Variants in XKR6 observed in about 807,000 individuals in gnomAD.
The protein encoded by XKR6 is XK-related protein 6.
A neutral mutation model predicts 56.7 loss-of-function variants in XKR6; 22 were observed. That is an observed-to-expected ratio of 0.39 (90% CI 0.28 to 0.55). The LOEUF (loss-of-function observed/expected upper bound fraction) is 0.55, where lower values mean the gene tolerates loss of function less well. Ranked by LOEUF, XKR6 falls within the 20% of genes least tolerant of loss-of-function variation. XKR6 has a pLI of 0.66. For missense variants in XKR6, 852 were observed against 889.0 expected (o/e 0.96, Z 0.53); for synonymous variants, 524 against 387.8 (o/e 1.35, Z -4.13).
At chr8:11,048,115 C>G (rs1483831664) in intron 1 of XKR6, among the ~76,000 whole-genome samples, 1 of 152,146 alleles carries the variant, frequency 6.6e-6, no homozygotes, top group Non-Finnish European at 1.5e-5. Flanking sequence ...ACCCCCCACG[C>G]TCAGTCACTG....
intron 1 of XKR6, among the ~76,000 whole-genome samples, chr8:11,094,052 G>C (rs1472959062): frequency 3.4e-5 from 5 of 148,012 alleles, no homozygotes; most frequent in African/African-American, 1.3e-4. Context: ...CCAAAGTGCT[G>C]GGATTACAGG....
At chr8:11,023,757 C>A (rs562254435) in intron 1 of XKR6, among the ~76,000 whole-genome samples, 31 of 152,300 alleles carry the variant, frequency 2.0e-4, no homozygotes, top group African/African-American at 7.2e-4. Context: ...TGAAGGCCTC[C>A]TGCGGATCAT....
chr8:10,956,615 C>T (rs931837993), intron 1 of XKR6, among the ~76,000 whole-genome samples: 3 of 152,196 alleles, frequency 2.0e-5, no homozygotes, highest in African/African-American at 7.2e-5. Flanking sequence ...CAGGAGTCTA[C>T]AGCCCTCATG....
At chr8:11,023,317 C>G (rs2129149227) in intron 1 of XKR6, among the ~76,000 whole-genome samples, 1 of 152,316 alleles carries the variant, frequency 6.6e-6, no homozygotes, top group East Asian at 1.9e-4. Flanking sequence ...CTCACAGGCC[C>G]CCGAAGTCAT....
intron 1 of XKR6, among the ~76,000 whole-genome samples, chr8:10,966,633 C>A (rs1455785439): frequency 3.3e-5 from 5 of 152,078 alleles, no homozygotes; most frequent in Non-Finnish European, 7.4e-5. Context: ...GAGATCGCAC[C>A]ACTACACTCC....
chr8:10,911,130 G>A (rs1168433674), intron 2 of XKR6, among the ~76,000 whole-genome samples: 1 of 151,714 alleles, frequency 6.6e-6, no homozygotes, highest in Admixed American at 6.6e-5. Flanking sequence ...CCAAGCCTCA[G>A]TTTACTGTTT....
Position 10,981,267 on chromosome 8 carries a change from G to A in XKR6, c.765-56437C>T, listed in dbSNP as rs78045401. Among the ~76,000 whole-genome samples, 55 of 152,324 alleles carry A rather than the reference G, an allele frequency of 3.6e-4. No homozygotes were observed. The East Asian group carries it at 0.011, about 29-fold the overall frequency. ...CGAGGGGGTAAATAGATTTTCGAGA[G>A]TGAAGTTATGAATTGCTCCCATGGC... On this transcript the variant is annotated intron_variant, in intron 1 of 2. Coordinates refer to ENST00000416569, the MANE Select transcript of XKR6 (RefSeq NM_173683.4).
At chr8:10,963,885 T>C (rs10094007) in intron 1 of XKR6, among the ~76,000 whole-genome samples, 1 of 152,168 alleles carries the variant, frequency 6.6e-6, no homozygotes, top group Non-Finnish European at 1.5e-5. Flanking sequence ...GAACACTGCA[T>C]GAACTGGGGT....
rs369060551 is a variant in XKR6, at chr8:10,983,812, T to C, written c.765-58982A>G. Among the ~76,000 whole-genome samples the C allele has an allele frequency of 1.5e-4, 23 of 152,070 alleles. No homozygotes were observed. In the East Asian group the frequency reaches 3.5e-3, roughly 23 times the overall value. ...CTGGGACTACAGGTGCCCGCCACCA[T>C]GCCCGGCTAATTTTTTGTATTTTTC... On this transcript the variant is annotated intron_variant, in intron 1 of 2. Coordinates refer to ENST00000416569, the MANE Select transcript of XKR6 (RefSeq NM_173683.4).
At chr8:11,148,835 C>T (rs568155177) in intron 1 of XKR6, among the ~76,000 whole-genome samples, 118 of 152,114 alleles carry the variant, frequency 7.8e-4, no homozygotes, top group Non-Finnish European at 1.4e-3. Flanking sequence ...ATACTTCTGA[C>T]CAATAAAAAG....
intron 1 of XKR6, among the ~76,000 whole-genome samples, chr8:11,127,157 ACTT>A (rs1441093112): frequency 6.6e-6 from 1 of 152,136 alleles, no homozygotes; most frequent in Non-Finnish European, 1.5e-5. Context: ...CGGCAATCCC[ACTT>A]CTTAACGAGA....
chr8:11,000,903 T>A (rs1798223536), intron 1 of XKR6, among the ~76,000 whole-genome samples: 4 of 152,170 alleles, frequency 2.6e-5, no homozygotes, highest in Non-Finnish European at 5.9e-5. Context: ...AGAGAGTATA[T>A]CCCTCCAGCC....
chr8:10,924,362 A>T (rs558061243), intron 2 of XKR6, among the ~76,000 whole-genome samples: 1 of 152,378 alleles, frequency 6.6e-6, no homozygotes, highest in East Asian at 1.9e-4. Flanking sequence ...GGAGACCCAG[A>T]GCCCTCTACC....
intron 1 of XKR6, among the ~76,000 whole-genome samples, chr8:11,117,964 G>A (rs186404366): frequency 1.3e-5 from 2 of 152,144 alleles, no homozygotes; most frequent in Non-Finnish European, 2.9e-5. Context: ...AATACCGAGA[G>A]TGTGGGGGAC....
intron 1 of XKR6, among the ~76,000 whole-genome samples, chr8:11,100,362 T>C (rs571387357): frequency 7.2e-5 from 11 of 152,182 alleles, no homozygotes; most frequent in African/African-American, 2.7e-4. Context: ...GCCTCATTTT[T>C]AAAAAAGAAT....
intron 1 of XKR6, among the ~76,000 whole-genome samples, chr8:11,199,591 G>A (rs1008197753): frequency 3.3e-5 from 5 of 152,144 alleles, no homozygotes; most frequent in Non-Finnish European, 7.4e-5. Context: ...ACTGTTTCCA[G>A]AATACACACA....
chr8:11,033,363 A>G (rs1297987311), intron 1 of XKR6, among the ~76,000 whole-genome samples: 4 of 141,854 alleles, frequency 2.8e-5, no homozygotes, highest in African/African-American at 1.1e-4. Context: ...TGATGACGAT[A>G]GTGATGGTGA....
At chr8:11,084,354 T>C (rs546422119) in intron 1 of XKR6, among the ~76,000 whole-genome samples, 5 of 152,330 alleles carry the variant, frequency 3.3e-5, no homozygotes, top group South Asian at 4.1e-4. Flanking sequence ...AGGGCACAAA[T>C]AGAAACTACT....
At chr8:11,073,061 A>T (rs1255062678) in intron 1 of XKR6, among the ~76,000 whole-genome samples, 1 of 143,958 alleles carries the variant, frequency 6.9e-6, no homozygotes, top group Non-Finnish European at 1.5e-5. Flanking sequence ...AAAACAAACA[A>T]AAAGTTGCCC....
Sources: gnomAD v4.1 joint callset for allele counts (sites outside exome capture counted in the v4.1 genomes callset) on GRCh38, gnomAD v4.1.1 for gene constraint, MANE v1.5 for transcripts, NCBI Gene and HGNC (gene_info 2026-07-23, HGNC 2026-07-21) for gene names.